PRICKLE1: variants seen among roughly 807,000 people sequenced by gnomAD.
PRICKLE1 encodes the protein prickle planar cell polarity protein 1.
Under a neutral mutation model 70.2 loss-of-function variants are expected in PRICKLE1, and 14 were observed. That is an observed-to-expected ratio of 0.20 (90% confidence interval 0.13 to 0.31). PRICKLE1 has a LOEUF of 0.31. Among genes scored for constraint, PRICKLE1 ranks in the 10% least tolerant of loss-of-function variants. PRICKLE1 has a pLI of 1.00. For missense variants in PRICKLE1, 821 were observed against 1,026.2 expected (o/e 0.80, Z 2.73); for synonymous variants, 357 against 379.9 (o/e 0.94, Z 0.70).
intron 1 of PRICKLE1, among the ~76,000 whole-genome samples, chr12:42,519,954 C>T (rs538216646): frequency 2.6e-5 from 4 of 152,280 alleles, no homozygotes; most frequent in South Asian, 2.1e-4. Flanking sequence ...CCTACAGATG[C>T]GAGCCATTGC....
chr12:42,584,061 C>A (rs1228161694), intron 1 of PRICKLE1, among the ~76,000 whole-genome samples: 1 of 152,110 alleles, frequency 6.6e-6, no homozygotes, highest in Non-Finnish European at 1.5e-5. Flanking sequence ...AAAAAGGGTT[C>A]AGTGTTCAGA....
chr12:42,537,042 C>T (rs1398138330), intron 1 of PRICKLE1, among the ~76,000 whole-genome samples: 2 of 152,062 alleles, frequency 1.3e-5, no homozygotes, highest in Non-Finnish European at 2.9e-5. Context: ...AAAATTTCAA[C>T]ATAAAGATCC....
At chr12:42,471,108 T>C (rs908957528) in intron 2 of PRICKLE1, among the ~76,000 whole-genome samples, 1 of 152,210 alleles carries the variant, frequency 6.6e-6, no homozygotes, top group Non-Finnish European at 1.5e-5. Context: ...TTTTGCTAAA[T>C]GTTGTAAACT....
chr12:42,474,178 A>G (rs1938431829), intron 1 of PRICKLE1, among the ~76,000 whole-genome samples: 1 of 152,208 alleles, frequency 6.6e-6, no homozygotes, highest in African/African-American at 2.4e-5. Context: ...AGGCTGAGGC[A>G]GGAGAATCGC....
intron 1 of PRICKLE1, among the ~76,000 whole-genome samples, chr12:42,489,054 G>T: frequency 6.6e-6 from 1 of 151,668 alleles, no homozygotes; most frequent in East Asian, 2.0e-4. Context: ...CTCCTGAGTA[G>T]CTGGGATTAC....
At chr12:42,468,442 C>T (rs552985275) in intron 5 of PRICKLE1, among the ~76,000 whole-genome samples, 184 bp downstream of exon 5, 6 of 152,134 alleles carry the variant, frequency 3.9e-5, no homozygotes, top group South Asian at 2.1e-4. Context: ...GGCAAAAAAC[C>T]GCAATTACTT....
At chr12:42,508,606 A>G (rs1014397931) in intron 1 of PRICKLE1, among the ~76,000 whole-genome samples, 2 of 152,226 alleles carry the variant, frequency 1.3e-5, no homozygotes, top group African/African-American at 4.8e-5. Flanking sequence ...GGTAAAAGAA[A>G]AAATACATAT....
intron 1 of PRICKLE1, among the ~76,000 whole-genome samples, chr12:42,493,174 G>T (rs1228904773): frequency 6.6e-6 from 1 of 151,938 alleles, no homozygotes; most frequent in Non-Finnish European, 1.5e-5. Context: ...GCACAACAGG[G>T]TAACTATAGT....
chr12:42,481,667 G>A (rs2140153520), intron 1 of PRICKLE1, among the ~76,000 whole-genome samples: 1 of 152,306 alleles, frequency 6.6e-6, no homozygotes, highest in East Asian at 1.9e-4. Context: ...GACTACATAT[G>A]CAGGTGAATT....
chr12:42,482,228 A>AGTACAT (rs1489528694), intron 1 of PRICKLE1, among the ~76,000 whole-genome samples: 4 of 152,260 alleles, frequency 2.6e-5, no homozygotes, highest in African/African-American at 9.6e-5. Flanking sequence ...TTCATGCACA[A>AGTACAT]GTACATTCCA....
chr12:42,483,766 G>GCC (rs888952511), intron 1 of PRICKLE1: 1 of 151,384 alleles, frequency 6.6e-6, no homozygotes, highest in Non-Finnish European at 1.5e-5. Context: ...ACCCGCTGCA[G>GCC]CCCCTCAGCA....
chr12:42,572,304 C>T (rs547332632), intron 1 of PRICKLE1, among the ~76,000 whole-genome samples: 10 of 151,792 alleles, frequency 6.6e-5, no homozygotes, highest in Admixed American at 2.0e-4. Context: ...GGCATGGGGG[C>T]GGGCACCTGT....
chr12:42,484,457 AGCAAATGGCACATTTAAGCAAGT>A (rs1938933720), intron 1 of PRICKLE1: 1 of 152,244 alleles, frequency 6.6e-6, no homozygotes, highest in African/African-American at 2.4e-5. Flanking sequence ...CAATGATGTC[AGCAAATGGCACATTTAAGCAAGT>A]TCTCACTTAG....
intron 1 of PRICKLE1, among the ~76,000 whole-genome samples, chr12:42,554,342 TA>T: frequency 6.6e-6 from 1 of 152,026 alleles, no homozygotes; most frequent in Middle Eastern, 3.4e-3. Flanking sequence ...TACAAATGAC[TA>T]AAAAAAGGAA....
chr12:42,524,060 T>C (rs1939758917), intron 1 of PRICKLE1, among the ~76,000 whole-genome samples: 1 of 152,230 alleles, frequency 6.6e-6, no homozygotes, highest in Non-Finnish European at 1.5e-5. Flanking sequence ...ATAAGGCACT[T>C]CCTATCTTTA....
At chr12:42,460,855 G>A in intron 7 of PRICKLE1, 190 bp from the exon 8 acceptor site, 1 of 674,276 alleles carries the variant, frequency 1.5e-6, no homozygotes. Flanking sequence ...ATTGTTATAA[G>A]GGGTGGGCAC....
Position 42,461,151 on chromosome 12 carries a change from G to T in PRICKLE1, c.1640-486C>A, listed in dbSNP as rs184560643. ...CCACCTCGGCCTCCCACAGTGCTGG[G>T]TTTACAGGTATGAGCCACTGCACCT... On this transcript the variant is annotated intron_variant, in intron 7 of 7. Transcript: ENST00000345127. 1.7e-3 allele frequency among the ~76,000 whole-genome samples: 256 copies of T among 152,320 alleles called. 1 individual carries two copies. Among genetic ancestry groups the T allele is most frequent in the African/African-American group, 5.9e-3 (245 of 41,572 alleles).
intron 1 of PRICKLE1, chr12:42,490,066 G>C (rs953617629): frequency 6.6e-6 from 1 of 152,062 alleles, no homozygotes. Context: ...AAAAAAGTGA[G>C]GAAAATAAAT....
intron 1 of PRICKLE1, among the ~76,000 whole-genome samples, chr12:42,481,974 G>A (rs1157963032): frequency 6.6e-6 from 1 of 152,228 alleles, no homozygotes; most frequent in Non-Finnish European, 1.5e-5. Flanking sequence ...GTTATCAGGA[G>A]ATATTGTTTA....
Sources: gnomAD v4.1 joint callset for allele counts (sites outside exome capture counted in the v4.1 genomes callset) on GRCh38, gnomAD v4.1.1 for gene constraint, MANE v1.5 for transcripts, NCBI Gene and HGNC (gene_info 2026-07-23, HGNC 2026-07-21) for gene names.